Variants in SCD observed in about 807,000 individuals in gnomAD.
SCD encodes acyl-CoA desaturase.
SCD carries 4 observed loss-of-function variants against 35.7 expected under a neutral mutation model. That is an observed-to-expected ratio of 0.11 (90% confidence interval 0.06 to 0.26). The LOEUF (loss-of-function observed/expected upper bound fraction) is 0.26, where lower values mean the gene tolerates loss of function less well. Ranked by LOEUF, SCD falls within the 10% of genes least tolerant of loss-of-function variation. The pLI is 1.00. For synonymous variants in SCD, 150 were observed against 170.2 expected, an observed-to-expected ratio of 0.88 and a Z score of 0.92; for missense variants, 282 against 460.7, an observed-to-expected ratio of 0.61 and a Z score of 3.55.
chr10:100,357,211 G>C (rs1849937278), intron 5 of SCD, among the ~76,000 whole-genome samples: 1 of 152,216 alleles, frequency 6.6e-6, no homozygotes, highest in African/African-American at 2.4e-5. Context: ...GAGCACCTTA[G>C]AGTTTTCCTT....
intron 1 of SCD, 145 bp from the exon 2 acceptor site, chr10:100,347,919 C>T: frequency 2.4e-6 from 2 of 831,026 alleles, no homozygotes; most frequent in Non-Finnish European, 3.8e-6. Context: ...CGTTGCGTCT[C>T]GGATACACCC....
chr10:100,360,466 A>G (rs10883464), intron 5 of SCD, among the ~76,000 whole-genome samples: 12,310 of 152,136 alleles, frequency 0.081, 566 homozygotes, highest in Middle Eastern at 0.12. Flanking sequence ...GCAGTGACTC[A>G]TGACTGTAAT....
intron 5 of SCD, among the ~76,000 whole-genome samples, chr10:100,359,876 C>T (rs1009066050): frequency 5.3e-5 from 8 of 152,192 alleles, no homozygotes; most frequent in African/African-American, 1.4e-4. Flanking sequence ...AAGCTTTACA[C>T]GTTAGAGAAA....
Position 100,356,788 on chromosome 10 carries a change from C to CCACTGGATGTAGTCT in SCD, c.880+24_880+25insCACTGGATGTAGTCT. On this transcript the variant is annotated intron_variant, in intron 5 of 5. Coordinates refer to ENST00000370355, the MANE Select transcript of SCD (RefSeq NM_005063.5). This position sits in a 1 kb window ranked among gnomAD's most constrained non-coding sequence, Gnocchi z 4.1. ...GGGTAAGTCAGCTGTCCAAGTAAGA[C>CCACTGGATGTAGTCT]TACATCCAGTGGTCTGCTGATTAGG... 1 of 1,583,832 alleles carries CCACTGGATGTAGTCT rather than the reference C, an allele frequency of 6.3e-7. No homozygotes were observed. The highest frequency in any genetic ancestry group is 8.7e-7 in the Non-Finnish European group (1 of 1,152,914).
Position 100,352,727 on chromosome 10 carries a change from G to C in SCD, c.441+231G>C, listed in dbSNP as rs919367779. ...AATTGGAAAATACTCCTGATGTGTA[G>C]GAATATTTTTGATCCTAAGGTCCCT... On this transcript the variant is annotated intron_variant, in intron 3 of 5. Coordinates refer to ENST00000370355, the MANE Select transcript of SCD (RefSeq NM_005063.5). This position sits in a 1 kb window ranked among gnomAD's most constrained non-coding sequence, Gnocchi z 4.2. 6.6e-6 allele frequency among the ~76,000 whole-genome samples: 1 copy of C among 152,236 alleles called. No individual in the cohort carries two copies. Among genetic ancestry groups the C allele is most frequent in the Admixed American group, 6.5e-5 (1 of 15,282 alleles).
Position 100,348,154 on chromosome 10 carries a change from C to A in SCD, c.118C>A (p.Leu40Ile). ...AGGAGATAAGTTGGAGACGATGCCC[C>A]TCTACTTGGAAGACGACATTCGCCC... ...NGGDKLETMPLYLEDDIRPDI... is the reference protein window; with the variant it reads ...NGGDKLETMPIYLEDDIRPDI... The change falls in exon 2 of 6, where the codon CTC becomes ATC. Residue 40 changes from leucine to isoleucine, a missense_variant. Leu to Ile is a conservative substitution (Grantham distance 5). Transcript: ENST00000370355. 4.3e-6 allele frequency: 7 copies of A among 1,613,914 alleles called. No individual in the cohort carries two copies. Among genetic ancestry groups the A allele is most frequent in the Non-Finnish European group, 5.9e-6 (7 of 1,179,884 alleles).
intron 5 of SCD, among the ~76,000 whole-genome samples, chr10:100,358,804 T>C (rs1849959091): frequency 6.7e-6 from 1 of 149,842 alleles, no homozygotes; most frequent in South Asian, 2.1e-4. Context: ...GGCACGTGCC[T>C]GTAGTCCCAG....
Position 100,354,676 on chromosome 10 carries a change from T to G in SCD, c.647+44T>G, listed in dbSNP as rs12253255. On this transcript the variant is annotated intron_variant, in intron 4 of 5. Transcript: ENST00000370355. ...GAGGTGGGGATATGGCCCTGGCACC[T>G]GGTCATTAGGGACCCCATTTTTTCT... 27,688 of 1,481,242 alleles carry G rather than the reference T, an allele frequency of 0.019. 2,148 individuals are homozygous for G. The African/African-American group carries it at 0.23, about 12-fold the overall frequency. The allele number at this position is 1,481,242 out of a possible 1,614,324, so 91.8% of individuals were successfully genotyped here. A position where few individuals can be genotyped will look rare whatever the true frequency, so the allele number is the denominator to read the frequency against.
rs1849882832 is a variant in SCD, at chr10:100,352,512, T to C, written c.441+16T>C. On this transcript the variant is annotated intron_variant, in intron 3 of 5. Coordinates refer to ENST00000370355, the MANE Select transcript of SCD (RefSeq NM_005063.5). The surrounding 1 kb of genome is among the most constrained non-coding windows in gnomAD (Gnocchi z 4.2). ...GGCATTCCAGGTAAGAAGTTGTCTC[T>C]GCTCAGCTGTTTGTCCTCCACACTA... 5 of 1,612,188 alleles carry C rather than the reference T, an allele frequency of 3.1e-6. No individual in the cohort carries two copies. Among genetic ancestry groups the C allele is most frequent in the Non-Finnish European group, 4.2e-6 (5 of 1,179,728 alleles).
rs1418752156 is a variant in SCD, at chr10:100,348,212, A to G, written c.176A>G (p.Tyr59Cys). Reference protein sequence around the residue: ...DIKDDIYDPTYKDKEGPSPKV... With the variant: ...DIKDDIYDPTCKDKEGPSPKV... Reference sequence around the variant, plus strand: ...AAAGATGATATATATGACCCCACCTACAAGGATAAGGAAGGCCCAAGCCCC... The same window carrying G: ...AAAGATGATATATATGACCCCACCTGCAAGGATAAGGAAGGCCCAAGCCCC... The change falls in exon 2 of 6, where the codon TAC becomes TGC. Residue 59 changes from tyrosine to cysteine, a missense_variant. Tyr to Cys is a radical substitution (Grantham distance 194). Coordinates refer to ENST00000370355, the MANE Select transcript of SCD (RefSeq NM_005063.5). The G allele has an allele frequency of 6.2e-7, 1 of 1,614,058 alleles. No homozygotes were observed. The highest frequency in any genetic ancestry group is 8.5e-7 in the Non-Finnish European group (1 of 1,180,020).
chr10:100,347,772 G>A (rs987152855), intron 1 of SCD, among the ~76,000 whole-genome samples: 1 of 152,106 alleles, frequency 6.6e-6, no homozygotes, highest in Non-Finnish European at 1.5e-5. Flanking sequence ...TGAATTATGC[G>A]GGTTTTCCTT....
At chr10:100,357,379 C>T (rs1420758593) in intron 5 of SCD, among the ~76,000 whole-genome samples, 1 of 152,134 alleles carries the variant, frequency 6.6e-6, no homozygotes, top group Non-Finnish European at 1.5e-5. Context: ...CTCAGATATG[C>T]CTTGCTTTAA....
chr10:100,359,361 C>T (rs1427251057), intron 5 of SCD, among the ~76,000 whole-genome samples: 1 of 152,188 alleles, frequency 6.6e-6, no homozygotes, highest in Non-Finnish European at 1.5e-5. Context: ...CTCCCTTGAG[C>T]CTTTCTTGGG....
intron 1 of SCD, 63 bp downstream of exon 1, chr10:100,347,594 C>T: frequency 6.3e-7 from 1 of 1,597,708 alleles, no homozygotes. Flanking sequence ...TTCCAGGGGA[C>T]GGGTTGGTGG....
In SCD at chr10:100,354,399, C is replaced by T. The variant is rs981763978; in HGVS notation, c.442-28C>T. The T allele has an allele frequency of 3.1e-6, 5 of 1,597,302 alleles. No homozygotes were observed. In the African/African-American group the frequency reaches 5.4e-5, roughly 17 times the overall value. On this transcript the variant is annotated intron_variant, in intron 3 of 5. Coordinates refer to ENST00000370355, the MANE Select transcript of SCD (RefSeq NM_005063.5). Reference sequence around the variant, plus strand: ...CCTAATAGGGTGTCTATCCTCAAGCCTTACATTCCTCTTCTCTCTCTCCCC... The same window carrying T: ...CCTAATAGGGTGTCTATCCTCAAGCTTTACATTCCTCTTCTCTCTCTCCCC...
rs1196684004 is a variant in SCD, at chr10:100,356,862, T to C, written c.880+98T>C. 1.5e-5 allele frequency: 14 copies of C among 933,032 alleles called. No homozygotes were observed. Among genetic ancestry groups the C allele is most frequent in the Non-Finnish European group, 2.3e-5 (14 of 602,364 alleles). 57.8% of individuals were successfully genotyped at this position (933,032 alleles called of 1,614,324 possible). A position where few individuals can be genotyped will look rare whatever the true frequency, so the allele number is the denominator to read the frequency against. On this transcript the variant is annotated intron_variant, in intron 5 of 5. Transcript: ENST00000370355. The surrounding 1 kb of genome is among the most constrained non-coding windows in gnomAD (Gnocchi z 4.1). ...ACTAGATAAATCTGTTTTTTATGGC[T>C]ACTTTGTATCTCAGTTTTTCCACTA...
At chr10:100,357,465 C>T (rs1589699731) in intron 5 of SCD, among the ~76,000 whole-genome samples, 2 of 152,110 alleles carry the variant, frequency 1.3e-5, no homozygotes, top group African/African-American at 4.8e-5. Context: ...CCTTTACTAC[C>T]ACCTACCCTC....
At chr10:100,359,112 G>A (rs1195221858) in intron 5 of SCD, among the ~76,000 whole-genome samples, 2 of 151,950 alleles carry the variant, frequency 1.3e-5, no homozygotes, top group Non-Finnish European at 2.9e-5. Flanking sequence ...TTCCTGTATC[G>A]CAAATGGATC....
chr10:100,347,431 G>C lies in SCD; in HGVS notation c.-74G>C. The stretch of plus-strand genomic sequence containing the variant: ...CGTACCGGCGGGCTTCGAAACCGCA[G>C]TCCTCCGGCGACCCCGAACTCCGCT... On this transcript the variant is annotated 5_prime_UTR_variant, in exon 1 of 6. Coordinates refer to ENST00000370355, the MANE Select transcript of SCD (RefSeq NM_005063.5). The C allele has an allele frequency of 6.5e-7, 1 of 1,534,694 alleles. No homozygotes were observed. Among genetic ancestry groups the C allele is most frequent in the Non-Finnish European group, 8.9e-7 (1 of 1,126,084 alleles).
Sources: gnomAD v4.1 joint callset for allele counts (sites outside exome capture counted in the v4.1 genomes callset) on GRCh38, gnomAD v4.1.1 for gene constraint, Gnocchi (gnomAD v3.1) non-coding constraint, MANE v1.5 for transcripts, NCBI Gene and HGNC (gene_info 2026-07-23, HGNC 2026-07-21) for gene names.